Variants in TUBGCP3 observed in about 807,000 individuals in gnomAD.
The protein encoded by TUBGCP3 is gamma-tubulin complex component 3.
TUBGCP3 carries 50 observed loss-of-function variants against 123.1 expected under a neutral mutation model. The observed-to-expected ratio is 0.41, with a 90% CI of 0.32 to 0.51. TUBGCP3 has a LOEUF of 0.51. Ranked by LOEUF, TUBGCP3 falls within the 20% of genes least tolerant of loss-of-function variation. TUBGCP3 has a pLI of 0.36. For missense variants in TUBGCP3, 882 were observed against 1,127.0 expected, an observed-to-expected ratio of 0.78 and a Z score of 3.11; for synonymous variants, 405 against 413.9, an observed-to-expected ratio of 0.98 and a Z score of 0.26.
rs1876443331 is a variant in TUBGCP3, at chr13:112,519,591, T to C, written c.1881+295A>G. 6.6e-6 allele frequency among the ~76,000 whole-genome samples: 1 copy of C among 152,240 alleles called. No individual in the cohort carries two copies. The highest frequency in any genetic ancestry group is 1.5e-5 in the Non-Finnish European group (1 of 68,038). On this transcript the variant is annotated intron_variant, in intron 15 of 21. Transcript: ENST00000261965. The surrounding 1 kb of genome is among the most constrained non-coding windows in gnomAD (Gnocchi z 6.2). ...CACCATTTTCTAAGCATCTGTGATA[T>C]GCTGCCCAGCACAGGGCAAGGGTGT...
intron 1 of TUBGCP3, among the ~76,000 whole-genome samples, chr13:112,583,039 G>A (rs959635014): frequency 3.9e-5 from 6 of 152,170 alleles, no homozygotes; most frequent in Admixed American, 2.6e-4. Flanking sequence ...ATATCAAGCT[G>A]TAGAATCAGA....
At chr13:112,600,394 T>C in the TUBGCP3 span, among the ~76,000 whole-genome samples, 3 of 152,320 alleles carry the variant, frequency 2.0e-5, no homozygotes, top group East Asian at 3.9e-4. Flanking sequence ...TCTTTAAAAT[T>C]GCAATTAATT....
intron 5 of TUBGCP3, among the ~76,000 whole-genome samples, chr13:112,556,680 C>A (rs138226592): frequency 1.4e-3 from 217 of 152,290 alleles, no homozygotes; most frequent in African/African-American, 5.0e-3. Context: ...GGCGCCTGGC[C>A]TCACCTGTCT....
chr13:112,489,554 A>T, intron 21 of TUBGCP3, 27 bp downstream of exon 21: 1 of 1,491,960 alleles, frequency 6.7e-7, no homozygotes, highest in South Asian at 1.1e-5. Context: ...AGTGGTGTGA[A>T]GAGCCACTCT....
chr13:112,530,251 ATTC>A (rs1877468435), intron 11 of TUBGCP3, among the ~76,000 whole-genome samples: 1 of 152,260 alleles, frequency 6.6e-6, no homozygotes, highest in Non-Finnish European at 1.5e-5. Flanking sequence ...GGAATAAAAT[ATTC>A]TTCGTCAGCA....
At chr13:112,549,989 C>CAAA (rs750596642) in intron 8 of TUBGCP3, among the ~76,000 whole-genome samples, 3 of 40,188 alleles carry the variant, frequency 7.5e-5, no homozygotes, top group African/African-American at 1.1e-4. Context: ...GACTCCATCT[C>CAAA]AAAAAAAAAA....
intron 1 of TUBGCP3, among the ~76,000 whole-genome samples, chr13:112,578,033 A>G (rs1232746705): frequency 2.0e-5 from 3 of 152,198 alleles, no homozygotes; most frequent in South Asian, 2.1e-4. Flanking sequence ...TGACTAACGT[A>G]AAAGAGTCTT....
At chr13:112,490,614 C>T (rs1880018755) in intron 20 of TUBGCP3, among the ~76,000 whole-genome samples, 1 of 152,238 alleles carries the variant, frequency 6.6e-6, no homozygotes, top group Non-Finnish European at 1.5e-5. Context: ...CAAACCTATG[C>T]ATTCCTGAAA....
intron 1 of TUBGCP3, among the ~76,000 whole-genome samples, chr13:112,586,759 G>A: frequency 6.6e-6 from 1 of 152,092 alleles, no homozygotes; most frequent in East Asian, 1.9e-4. Flanking sequence ...GGAATGACTT[G>A]TGCATCTGCA....
chr13:112,536,379 G>A (rs1355565841), intron 11 of TUBGCP3, among the ~76,000 whole-genome samples: 1 of 152,156 alleles, frequency 6.6e-6, no homozygotes, highest in Admixed American at 6.5e-5. Context: ...GTCTCATGTT[G>A]GGGAAGCACT....
intron 21 of TUBGCP3, among the ~76,000 whole-genome samples, chr13:112,487,660 G>T (rs1046098641): frequency 6.6e-6 from 1 of 152,094 alleles, no homozygotes; most frequent in African/African-American, 2.4e-5. Flanking sequence ...AGTTCAAGAA[G>T]GCATCGTGTC....
intron 20 of TUBGCP3, among the ~76,000 whole-genome samples, chr13:112,495,747 C>G (rs772906526): frequency 6.6e-6 from 1 of 152,132 alleles, no homozygotes; most frequent in Non-Finnish European, 1.5e-5. Context: ...CATCAGGTTA[C>G]TATCTTAGAT....
intron 11 of TUBGCP3, chr13:112,544,839 T>A (rs376883871): frequency 2.0e-4 from 31 of 152,266 alleles, no homozygotes; most frequent in African/African-American, 6.0e-4. Flanking sequence ...AAACAACTTG[T>A]AACAGCACAA....
At chr13:112,531,171 C>G (rs183792324) in intron 11 of TUBGCP3, among the ~76,000 whole-genome samples, 1 of 152,282 alleles carries the variant, frequency 6.6e-6, no homozygotes, top group East Asian at 1.9e-4. Context: ...CAGACACTAT[C>G]AATTATGTAC....
the TUBGCP3 span, among the ~76,000 whole-genome samples, chr13:112,597,101 A>G: frequency 1.3e-5 from 2 of 152,202 alleles, no homozygotes; most frequent in Non-Finnish European, 2.9e-5. Flanking sequence ...CTTTAAACTT[A>G]CTTCTGATCT....
rs972518926 is a variant in TUBGCP3 at position 112,489,397 on chromosome 13, C to T, written c.2565+184G>A. Among the ~76,000 whole-genome samples the T allele has an allele frequency of 1.6e-4, 25 of 152,382 alleles. 1 individual carries two copies. Among genetic ancestry groups the T allele is most frequent in the Admixed American group, 1.4e-3 (22 of 15,312 alleles). Reference sequence around the variant, plus strand: ...TCACTGATGGCACACTGGCACTGCCCGGAGCCCAGGCATACCCGAGTCCCC... The same window carrying T: ...TCACTGATGGCACACTGGCACTGCCTGGAGCCCAGGCATACCCGAGTCCCC... On this transcript the variant is annotated intron_variant, in intron 21 of 21. Transcript: ENST00000261965.
At chr13:112,598,079 G>A in the TUBGCP3 span, among the ~76,000 whole-genome samples, 870 of 152,118 alleles carry the variant, frequency 5.7e-3, 10 homozygotes, top group African/African-American at 0.02. Context: ...ATCGTCAAAG[G>A]CGCACCAATT....
intron 20 of TUBGCP3, chr13:112,498,717 G>T: frequency 6.9e-7 from 1 of 1,446,242 alleles, no homozygotes; most frequent in South Asian, 1.4e-5. Context: ...CAAACACAGA[G>T]TGATGCAGAG....
intron 19 of TUBGCP3, among the ~76,000 whole-genome samples, chr13:112,502,506 T>A (rs909904298): frequency 6.6e-6 from 1 of 151,624 alleles, no homozygotes; most frequent in African/African-American, 2.4e-5. Context: ...GTAATAGAGG[T>A]TTCAAGGGCC....
Sources: allele counts gnomAD v4.1 joint callset (sites outside exome capture counted in the v4.1 genomes callset), GRCh38; gene constraint gnomAD v4.1.1; non-coding constraint Gnocchi (gnomAD v3.1); transcripts MANE v1.5; gene names NCBI Gene and HGNC (gene_info 2026-07-23, HGNC 2026-07-21).